ILDR2: variants seen among roughly 807,000 people sequenced by gnomAD.
ILDR2 encodes immunoglobulin-like domain-containing receptor 2.
In ILDR2, 25 loss-of-function variants were observed where a neutral mutation model predicts 66.8. That is an observed-to-expected ratio of 0.37 (90% CI 0.27 to 0.52). The LOEUF (loss-of-function observed/expected upper bound fraction) is 0.52. Ranked by LOEUF, ILDR2 falls within the 20% of genes least tolerant of loss-of-function variation. The pLI is 0.88. For synonymous variants in ILDR2, 367 were observed against 357.2 expected (o/e 1.03, Z -0.31); for missense variants, 827 against 876.8 (o/e 0.94, Z 0.72).
Position 166,921,316 on chromosome 1 carries a change from A to G in ILDR2, c.1275T>C (p.Val425=), listed in dbSNP as rs774326237. 1 of 1,590,898 alleles carries G rather than the reference A, an allele frequency of 6.3e-7. No homozygotes were observed. Among genetic ancestry groups the G allele is most frequent in the Admixed American group, 1.7e-5 (1 of 58,990 alleles). The change falls in exon 9 of 10, where the codon GTT becomes GTC. Residue 425 remains valine, a synonymous_variant. Coordinates refer to ENST00000271417, the MANE Select transcript of ILDR2 (RefSeq NM_199351.3). This position sits in a 1 kb window ranked among gnomAD's most constrained non-coding sequence, Gnocchi z 5.3. ...RKNFATGVPA[V]SMDELAAFAD... is the part of the protein sequence containing the mutation. ...CGAAGGCCGCCAGCTCGTCCATGGA[A>G]ACGGCCGGCACCCCCGTGGCGAAGT... is the stretch of plus-strand genomic sequence containing the variant.
downstream of ILDR2, among the ~76,000 whole-genome samples, chr1:166,904,071 T>C (rs989885444): frequency 2.0e-5 from 3 of 152,240 alleles, no homozygotes; most frequent in African/African-American, 7.2e-5. Flanking sequence ...GGGGGCCTTA[T>C]TTGTCTTAAT....
Position 166,899,621 on chromosome 1 carries a change from T to C in ILDR2, n.172-3520A>G, listed in dbSNP as rs552785122. ...TGCTGTCCTCTCAAGAACTTGTTCA[T>C]AGAAAAAGCTGGATTTCAGAAAATC... On this transcript the variant is annotated intron_variant and non_coding_transcript_variant, in intron 2 of 2. Coordinates refer to the ILDR2 transcript ENST00000414590. 7.2e-5 allele frequency among the ~76,000 whole-genome samples: 11 copies of C among 152,352 alleles called. No homozygotes were observed. The South Asian group carries it at 8.3e-4, about 11-fold the overall frequency.
chr1:166,970,059 A>C (rs891158602), intron 1 of ILDR2, among the ~76,000 whole-genome samples: 1 of 152,254 alleles, frequency 6.6e-6, no homozygotes, highest in African/African-American at 2.4e-5. Flanking sequence ...AAGAGTAAAA[A>C]TAGTTGGAAG....
Position 166,916,531 on chromosome 1 carries a change from C to T in ILDR2, c.*2824G>A, listed in dbSNP as rs546986486. ...AAGAAGCTAACAAATATAACCATTT[C>T]CTGTGCAGGACACACTATTCAAAGG... On this transcript the variant is annotated 3_prime_UTR_variant, in exon 10 of 10. Transcript: ENST00000271417. 45 of 152,318 alleles carry T rather than the reference C, an allele frequency of 3.0e-4. No homozygotes were observed. Among genetic ancestry groups the T allele is most frequent in the African/African-American group, 1.1e-3 (44 of 41,580 alleles). The allele number at this position is 152,318 out of a possible 1,614,324, so 9.4% of individuals were successfully genotyped here. A position where few individuals can be genotyped will look rare whatever the true frequency, so the allele number is the denominator to read the frequency against.
chr1:166,968,242 C>A (rs569241436), intron 1 of ILDR2, among the ~76,000 whole-genome samples: 1 of 152,226 alleles, frequency 6.6e-6, no homozygotes, highest in East Asian at 1.9e-4. Flanking sequence ...AAACATCATG[C>A]CCTCCCCTGA....
chr1:166,934,792 GC>G (rs945937320), intron 6 of ILDR2, among the ~76,000 whole-genome samples: 2 of 152,120 alleles, frequency 1.3e-5, no homozygotes, highest in Non-Finnish European at 2.9e-5. Flanking sequence ...ATTCCTCTAG[GC>G]TCAGCTCAAA....
downstream of ILDR2, among the ~76,000 whole-genome samples, chr1:166,905,546 G>C (rs1659331438): frequency 6.6e-6 from 1 of 152,162 alleles, no homozygotes; most frequent in Admixed American, 6.5e-5. Flanking sequence ...TAGTTCAGTG[G>C]TTTACCCTTC....
chr1:166,901,445 C>G (rs940669777), intron 2 of ILDR2, among the ~76,000 whole-genome samples: 29 of 152,220 alleles, frequency 1.9e-4, no homozygotes, highest in Non-Finnish European at 3.1e-4. Flanking sequence ...GCCCCCCAAC[C>G]AGAGAATCTG....
intron 3 of ILDR2, among the ~76,000 whole-genome samples, chr1:166,942,711 C>A (rs1050548526): frequency 2.6e-5 from 4 of 152,166 alleles, no homozygotes; most frequent in African/African-American, 9.7e-5. Flanking sequence ...AACATTACTT[C>A]CACACACAGA....
chr1:166,932,175 C>T (rs548952751), intron 6 of ILDR2, among the ~76,000 whole-genome samples: 1 of 152,236 alleles, frequency 6.6e-6, no homozygotes, highest in Admixed American at 6.5e-5. Context: ...GAAAGATGAG[C>T]GCCTCAGAGT....
intron 8 of ILDR2, 120 bp downstream of exon 8, chr1:166,922,473 G>A: frequency 1.3e-6 from 1 of 752,858 alleles, no homozygotes; most frequent in Admixed American, 1.9e-5. Context: ...AGATGTGTCA[G>A]GATAACCTGG....
In ILDR2 at chr1:166,919,252, G is replaced by T; in HGVS notation, c.*103C>A. On this transcript the variant is annotated 3_prime_UTR_variant, in exon 10 of 10. Coordinates refer to ENST00000271417, the MANE Select transcript of ILDR2 (RefSeq NM_199351.3). ...AAGCAGAGATCAGCAAATCTTCCAA[G>T]GTGATGGCCAGAGAAGGTCCTGGGC... The T allele has an allele frequency of 9.2e-7, 1 of 1,084,100 alleles. No homozygotes were observed. Among genetic ancestry groups the T allele is most frequent in the Non-Finnish European group, 1.4e-6 (1 of 722,112 alleles). 67.2% of individuals were successfully genotyped at this position (1,084,100 alleles called of 1,614,324 possible). A position where few individuals can be genotyped will look rare whatever the true frequency, so the allele number is the denominator to read the frequency against.
intron 3 of ILDR2, among the ~76,000 whole-genome samples, chr1:166,952,810 G>T (rs1662061609): frequency 6.6e-6 from 1 of 152,014 alleles, no homozygotes; most frequent in Non-Finnish European, 1.5e-5. Flanking sequence ...TCTTCATACA[G>T]ACAGGTCATG....
intron 1 of ILDR2, among the ~76,000 whole-genome samples, chr1:166,966,897 TCTGTATCTC>T (rs1382931367): frequency 6.6e-6 from 1 of 152,228 alleles, no homozygotes; most frequent in African/African-American, 2.4e-5. Flanking sequence ...CAACTTGTTA[TCTGTATCTC>T]CTGTCTAGAT....
At position 166,939,581 on chromosome 1, in the gene ILDR2, T is replaced by G. The variant is rs1330991245; in HGVS notation, c.500-11A>C. 2 of 1,612,998 alleles carry G rather than the reference T, an allele frequency of 1.2e-6. No homozygotes were observed. Among genetic ancestry groups the G allele is most frequent in the Admixed American group, 3.3e-5 (2 of 59,994 alleles). On this transcript the variant is annotated splice_polypyrimidine_tract_variant and intron_variant, in intron 3 of 9. Transcript: ENST00000271417. The stretch of plus-strand genomic sequence containing the variant: ...GCAGCCCTGTCCTGCCTAGAAGAAG[T>G]GGAAGGAAAAGAAGAAGGAAAGTGG...
intron 1 of ILDR2, among the ~76,000 whole-genome samples, chr1:166,958,671 G>A (rs998121402): frequency 2.6e-5 from 4 of 152,066 alleles, no homozygotes; most frequent in African/African-American, 9.7e-5. Context: ...ATCCAGTCAC[G>A]CATTAAGTCA....
chr1:166,897,343 C>G (rs766031816), intron 2 of ILDR2, among the ~76,000 whole-genome samples: 1 of 152,022 alleles, frequency 6.6e-6, no homozygotes, highest in African/African-American at 2.4e-5. Context: ...TCTCTGGTTC[C>G]GGGGAGGTAA....
At chr1:166,938,637 T>C (rs893480872) in intron 4 of ILDR2, among the ~76,000 whole-genome samples, 1 of 152,238 alleles carries the variant, frequency 6.6e-6, no homozygotes, top group African/African-American at 2.4e-5. Context: ...AGCTCAATGG[T>C]AAAGAATCTG....
In ILDR2 at chr1:166,916,752, G is replaced by C. The variant is rs1659658728; in HGVS notation, c.*2603C>G. 1 of 152,206 alleles carries C rather than the reference G, an allele frequency of 6.6e-6. No homozygotes were observed. The highest frequency in any genetic ancestry group is 2.4e-5 in the African/African-American group (1 of 41,448). The allele number at this position is 152,206 out of a possible 1,614,324, so 9.4% of individuals were successfully genotyped here. A position where few individuals can be genotyped will look rare whatever the true frequency, so the allele number is the denominator to read the frequency against. ...GGTCCCAACTCCCAAGGTTAATTCAGTAGCCTGCTATCTTCTTTGTACTTT... is the reference window on the plus strand; with the variant it reads ...GGTCCCAACTCCCAAGGTTAATTCACTAGCCTGCTATCTTCTTTGTACTTT... On this transcript the variant is annotated 3_prime_UTR_variant, in exon 10 of 10. Transcript: ENST00000271417.
Sources: allele counts gnomAD v4.1 joint callset (sites outside exome capture counted in the v4.1 genomes callset), GRCh38; gene constraint gnomAD v4.1.1; non-coding constraint Gnocchi (gnomAD v3.1); transcripts MANE v1.5; gene names NCBI Gene and HGNC (gene_info 2026-07-23, HGNC 2026-07-21).